TUSC3: variants seen among roughly 807,000 people sequenced by gnomAD.
TUSC3 encodes the protein tumor suppressor candidate 3, also known as dolichyl-diphosphooligosaccharide--protein glycosyltransferase subunit TUSC3.
Under a neutral mutation model 44.8 loss-of-function variants are expected in TUSC3, and 45 were observed. That is an observed-to-expected ratio of 1.00 (90% CI 0.79 to 1.29). The LOEUF (loss-of-function observed/expected upper bound fraction) is 1.29. TUSC3 is among the 50% of genes most tolerant of loss of function. TUSC3 has a pLI of 0.00. For synonymous variants in TUSC3, 212 were observed against 152.9 expected (o/e 1.39, Z -2.85); for missense variants, 519 against 437.9 (o/e 1.19, Z -1.65).
intron 6 of TUSC3, among the ~76,000 whole-genome samples, chr8:15,694,454 A>G (rs936929553): frequency 3.3e-5 from 5 of 150,708 alleles, no homozygotes; most frequent in African/African-American, 4.9e-5. Flanking sequence ...AAAAAAAAAA[A>G]AAAAAAGATT....
At chr8:15,442,437 A>G (rs1176797466) in intron 1 of TUSC3, among the ~76,000 whole-genome samples, 1 of 152,146 alleles carries the variant, frequency 6.6e-6, no homozygotes, top group Non-Finnish European at 1.5e-5. Context: ...CCATGAAAGA[A>G]AGTGCTCATT....
At chr8:15,435,626 G>A (rs772915705) in intron 1 of TUSC3, among the ~76,000 whole-genome samples, 6 of 152,070 alleles carry the variant, frequency 3.9e-5, no homozygotes, top group Non-Finnish European at 7.4e-5. Flanking sequence ...ACATATGCAA[G>A]ATTTTATTAA....
intron 1 of TUSC3, among the ~76,000 whole-genome samples, chr8:15,542,387 T>C (rs28498776): frequency 0.029 from 4,339 of 152,040 alleles, 204 homozygotes; most frequent in African/African-American, 0.097. Context: ...CTGGTTGGCT[T>C]TTCCAGAATT....
intron 1 of TUSC3, among the ~76,000 whole-genome samples, chr8:15,469,884 C>A (rs1299164554): frequency 1.3e-5 from 2 of 152,112 alleles, no homozygotes; most frequent in East Asian, 3.9e-4. Context: ...GTGAAAGAAG[C>A]CAGTCTGAAA....
At chr8:15,637,475 T>C (rs1806134630) in intron 2 of TUSC3, among the ~76,000 whole-genome samples, 1 of 152,156 alleles carries the variant, frequency 6.6e-6, no homozygotes, top group South Asian at 2.1e-4. Context: ...ATTTGAGATT[T>C]TCTGTCTTCA....
intron 1 of TUSC3, among the ~76,000 whole-genome samples, chr8:15,474,825 G>T (rs897746824): frequency 6.6e-6 from 1 of 152,046 alleles, no homozygotes; most frequent in African/African-American, 2.4e-5. Context: ...TTCTCACATT[G>T]CTCCTTCATA....
chr8:15,773,466 A>G, the TUSC3 span, among the ~76,000 whole-genome samples: 2 of 152,348 alleles, frequency 1.3e-5, no homozygotes, highest in East Asian at 1.9e-4. Flanking sequence ...AAACAAATAG[A>G]AATACATCAA....
chr8:15,731,453 T>C (rs1327132244), intron 7 of TUSC3, among the ~76,000 whole-genome samples: 1 of 152,164 alleles, frequency 6.6e-6, no homozygotes, highest in Non-Finnish European at 1.5e-5. Context: ...CATATTCAAA[T>C]GTGTAGTCTA....
chr8:15,510,247 C>G (rs188364995), intron 2 of TUSC3, among the ~76,000 whole-genome samples: 1 of 151,684 alleles, frequency 6.6e-6, no homozygotes, highest in Admixed American at 6.6e-5. Context: ...AAAGTGGAAA[C>G]CAATGCAATA....
intron 1 of TUSC3, among the ~76,000 whole-genome samples, chr8:15,611,624 T>C (rs1804764833): frequency 6.6e-6 from 1 of 152,190 alleles, no homozygotes; most frequent in Non-Finnish European, 1.5e-5. Flanking sequence ...GCGTGTGTGC[T>C]GTATGCATTT....
the TUSC3 span, among the ~76,000 whole-genome samples, chr8:15,831,176 G>T: frequency 6.6e-6 from 1 of 152,332 alleles, no homozygotes; most frequent in South Asian, 2.1e-4. Flanking sequence ...CAGCCCAGGA[G>T]TTGGGAGCTG....
At chr8:15,584,907 T>C (rs1341797617) in intron 1 of TUSC3, among the ~76,000 whole-genome samples, 1 of 152,172 alleles carries the variant, frequency 6.6e-6, no homozygotes, top group Non-Finnish European at 1.5e-5. Context: ...AAATACTATT[T>C]GGAGTGTTTG....
downstream of TUSC3, among the ~76,000 whole-genome samples, chr8:15,768,985 A>C (rs76338411): frequency 6.6e-6 from 1 of 152,210 alleles, no homozygotes; most frequent in South Asian, 2.1e-4. Flanking sequence ...AATATCGTGA[A>C]AATGGCCGTA....
At chr8:15,713,108 C>T (rs546188580) in intron 6 of TUSC3, among the ~76,000 whole-genome samples, 18 of 152,176 alleles carry the variant, frequency 1.2e-4, no homozygotes, top group Admixed American at 2.6e-4. Context: ...TCCACAAATA[C>T]GTTTTTGTAA....
At chr8:15,577,884 A>G (rs1054268987) in intron 1 of TUSC3, among the ~76,000 whole-genome samples, 17 of 150,830 alleles carry the variant, frequency 1.1e-4, no homozygotes, top group Non-Finnish European at 2.1e-4. Flanking sequence ...GATGGCATTG[A>G]ATCTGTAAAT....
At chr8:15,769,780 A>C, downstream of TUSC3, among the ~76,000 whole-genome samples, 1 of 152,246 alleles carries the variant, frequency 6.6e-6, no homozygotes, top group East Asian at 1.9e-4. Context: ...ACACTTTTCA[A>C]AAGAAGACAT....
At chr8:15,825,948 T>A in the TUSC3 span, among the ~76,000 whole-genome samples, 1 of 149,586 alleles carries the variant, frequency 6.7e-6, no homozygotes, top group Non-Finnish European at 1.5e-5. Context: ...GAAATTTGCC[T>A]AGGGAAATTC....
At chr8:15,636,196 C>T (rs1806066092) in intron 2 of TUSC3, among the ~76,000 whole-genome samples, 1 of 152,110 alleles carries the variant, frequency 6.6e-6, no homozygotes, top group African/African-American at 2.4e-5. Context: ...GCCCGTTAAG[C>T]ACAATCGGAT....
At chr8:15,626,283 TG>T (rs1362293562) in intron 2 of TUSC3, among the ~76,000 whole-genome samples, 11 of 152,184 alleles carry the variant, frequency 7.2e-5, no homozygotes, top group African/African-American at 2.6e-4. Flanking sequence ...CCTGAAGCTA[TG>T]GGGGCCACTG....
Sources: gnomAD v4.1 joint callset for allele counts (sites outside exome capture counted in the v4.1 genomes callset) on GRCh38, gnomAD v4.1.1 for gene constraint, MANE v1.5 for transcripts, NCBI Gene and HGNC (gene_info 2026-07-23, HGNC 2026-07-21) for gene names.